Variants in SH3BP2 observed in about 807,000 individuals in gnomAD.
The protein encoded by SH3BP2 is SH3 domain binding protein 2.
Under a neutral mutation model 56.2 loss-of-function variants are expected in SH3BP2, and 38 were observed. That is an observed-to-expected ratio of 0.68 (90% CI 0.52 to 0.89). The LOEUF (loss-of-function observed/expected upper bound fraction) is 0.89. SH3BP2 is among the 40% of genes least tolerant of loss of function. The pLI is 0.00. For synonymous variants in SH3BP2, 346 were observed against 316.7 expected (o/e 1.09, Z -0.98); for missense variants, 748 against 762.6 (o/e 0.98, Z 0.23).
At chr4:2,826,052 G>T (rs1433207791) in intron 5 of SH3BP2, among the ~76,000 whole-genome samples, 2 of 152,246 alleles carry the variant, frequency 1.3e-5, no homozygotes, top group African/African-American at 4.8e-5. Context: ...CCCGTCCCCT[G>T]GTCCAAGCTG....
At position 2,829,391 on chromosome 4, in the gene SH3BP2, C is replaced by A. The variant is rs1577366918; in HGVS notation, c.587-102C>A. On this transcript the variant is annotated intron_variant, in intron 7 of 12. Coordinates refer to ENST00000503393, the MANE Select transcript of SH3BP2 (RefSeq NM_001122681.2). This position sits in a 1 kb window ranked among gnomAD's most constrained non-coding sequence, Gnocchi z 4.9. Reference sequence around the variant, plus strand: ...GTGGGCAGGCTGTGGGGTGGGCCTACCATGGGTTGCACTCCTGGTTGGCCT... The same window carrying A: ...GTGGGCAGGCTGTGGGGTGGGCCTAACATGGGTTGCACTCCTGGTTGGCCT... 2.3e-6 allele frequency: 3 copies of A among 1,276,608 alleles called. No individual in the cohort carries two copies. The highest frequency in any genetic ancestry group is 3.4e-6 in the Non-Finnish European group (3 of 876,394). The allele number at this position is 1,276,608 out of a possible 1,614,324, so 79.1% of individuals were successfully genotyped here.
intron 1 of SH3BP2, chr4:2,799,196 T>A (rs1252260551): frequency 1.0e-6 from 1 of 985,414 alleles, no homozygotes; most frequent in Non-Finnish European, 1.2e-6. Context: ...GAGGAGCTGC[T>A]CCCAGGCGGG....
intron 1 of SH3BP2, among the ~76,000 whole-genome samples, chr4:2,815,255 G>C (rs1041772732): frequency 6.6e-6 from 1 of 152,224 alleles, no homozygotes; most frequent in African/African-American, 2.4e-5. Flanking sequence ...AGGTGGGGCA[G>C]AGGATAGTAA....
chr4:2,834,454 G>GT lies in SH3BP2; in HGVS notation c.*621dup, dbSNP rs1725163099. ...GTGACTTCCCCAGGGTGCACAGCGAGTAACAGATCAGGACCCAAACTTGGG... is the reference window on the plus strand; with the variant it reads ...GTGACTTCCCCAGGGTGCACAGCGAGTTAACAGATCAGGACCCAAACTTGGG... On this transcript the variant is annotated 3_prime_UTR_variant, in exon 13 of 13. Coordinates refer to ENST00000503393, the MANE Select transcript of SH3BP2 (RefSeq NM_001122681.2). 6.5e-6 allele frequency: 1 copy of GT among 152,940 alleles called. No individual in the cohort carries two copies. The highest frequency in any genetic ancestry group is 1.5e-5 in the Non-Finnish European group (1 of 68,656). The allele number at this position is 152,940 out of a possible 1,614,324, so 9.5% of individuals were successfully genotyped here.
chr4:2,830,132 A>G lies in SH3BP2; in HGVS notation c.1226A>G (p.Gln409Arg). 2.5e-6 allele frequency: 4 copies of G among 1,601,514 alleles called. No individual in the cohort carries two copies. Among genetic ancestry groups the G allele is most frequent in the Non-Finnish European group, 3.4e-6 (4 of 1,179,312 alleles). Residue 409 changes from glutamine to arginine, a missense_variant, in exon 8 of 13, where the codon CAG becomes CGG. Physicochemically the swap from Gln to Arg is conservative, Grantham distance 43. Transcript: ENST00000503393. ...PAVLPRPEKP[Q>R]LPHLQRSPPD... is the part of the protein sequence containing the mutation. ...GTCCTGCCCAGGCCAGAGAAGCCGC[A>G]GCTCCCGCACCTCCAGTGAGTTTGT...
intron 1 of SH3BP2, 54 bp from the exon 2 acceptor site, chr4:2,820,560 A>G: frequency 2.5e-6 from 4 of 1,612,832 alleles, no homozygotes; most frequent in Non-Finnish European, 3.4e-6. Context: ...GCCCTGGCTC[A>G]GCCATCTCCT....
In SH3BP2 at chr4:2,810,537, C is replaced by T. The variant is rs368557752; in HGVS notation, c.-4-10077C>T. 1.3e-5 allele frequency among the ~76,000 whole-genome samples: 2 copies of T among 152,054 alleles called. No homozygotes were observed. Among genetic ancestry groups the T allele is most frequent in the African/African-American group, 4.8e-5 (2 of 41,480 alleles). ...AGGGGTGGCGTGTTCCTGAGAGCGC[C>T]GGCTGCCTCTGGGTTCTTATCTTCA... On this transcript the variant is annotated intron_variant, in intron 1 of 12. Transcript: ENST00000503393. The surrounding 1 kb of genome is among the most constrained non-coding windows in gnomAD (Gnocchi z 4.2).
intron 1 of SH3BP2, chr4:2,799,195 C>T: frequency 1.0e-6 from 1 of 985,638 alleles, no homozygotes; most frequent in Non-Finnish European, 1.2e-6. Flanking sequence ...GGAGGAGCTG[C>T]TCCCAGGCGG....
intron 12 of SH3BP2, 134 bp from the exon 13 acceptor site, chr4:2,833,563 C>A: frequency 1.7e-6 from 2 of 1,186,592 alleles, no homozygotes; most frequent in African/African-American, 1.5e-5. Flanking sequence ...CTTGGGGGCA[C>A]CACCGACAGC....
At chr4:2,798,166 G>C (rs1723121272) in intron 1 of SH3BP2, among the ~76,000 whole-genome samples, 1 of 152,156 alleles carries the variant, frequency 6.6e-6, no homozygotes, top group Non-Finnish European at 1.5e-5. Flanking sequence ...CGGTAGATAG[G>C]GAGGACCAAA....
In SH3BP2 at chr4:2,831,673, TGAG is replaced by T. The variant is rs1724993599; in HGVS notation, c.1345_1347del (p.Glu449del). 1.9e-6 allele frequency: 3 copies of T among 1,588,668 alleles called. No individual in the cohort carries two copies. Among genetic ancestry groups the T allele is most frequent in the Non-Finnish European group, 2.6e-6 (3 of 1,166,776 alleles). On this transcript the variant is annotated inframe_deletion, in exon 9 of 13. Coordinates refer to ENST00000503393, the MANE Select transcript of SH3BP2 (RefSeq NM_001122681.2). The surrounding 1 kb of genome is among the most constrained non-coding windows in gnomAD (Gnocchi z 4.1). ...GCGGGGACGACTCGGACGAGGACTA[TGAG>T]AAGGCAAGGCTGAGCGGCAAGCCTG...
chr4:2,813,732 T>C (rs1723865196), intron 1 of SH3BP2, among the ~76,000 whole-genome samples: 1 of 152,178 alleles, frequency 6.6e-6, no homozygotes, highest in Non-Finnish European at 1.5e-5. Flanking sequence ...TATATCAGTA[T>C]ACATATGGGT....
At chr4:2,804,670 G>C (rs1183485520) in intron 1 of SH3BP2, among the ~76,000 whole-genome samples, 2 of 152,196 alleles carry the variant, frequency 1.3e-5, no homozygotes, top group South Asian at 2.1e-4. Context: ...CACCCCCACT[G>C]TCCTTAAGGT....
Position 2,812,095 on chromosome 4 carries a change from C to T in SH3BP2, c.-4-8519C>T, listed in dbSNP as rs1358595741. ...GAGCCAGAGAGCCCTGGCCTCTGACCACAGGATGGGAGGGCAGGAGCAGTG... is the reference window on the plus strand; with the variant it reads ...GAGCCAGAGAGCCCTGGCCTCTGACTACAGGATGGGAGGGCAGGAGCAGTG... On this transcript the variant is annotated intron_variant, in intron 1 of 12. Transcript: ENST00000503393. 5.1e-6 allele frequency: 6 copies of T among 1,169,990 alleles called. No individual in the cohort carries two copies. The African/African-American group carries it at 9.4e-5, about 18-fold the overall frequency. The allele number at this position is 1,169,990 out of a possible 1,614,324, so 72.5% of individuals were successfully genotyped here. A position where few individuals can be genotyped will look rare whatever the true frequency, so the allele number is the denominator to read the frequency against.
chr4:2,803,354 G>T (rs2108703506), intron 1 of SH3BP2, among the ~76,000 whole-genome samples: 1 of 152,274 alleles, frequency 6.6e-6, no homozygotes, highest in Admixed American at 6.5e-5. Context: ...TTGTTATCTC[G>T]CCCTGGTGCT....
chr4:2,824,871 C>A, intron 4 of SH3BP2, 141 bp downstream of exon 4: 1 of 729,900 alleles, frequency 1.4e-6, no homozygotes, highest in Non-Finnish European at 2.4e-6. Context: ...GGCTGGGACA[C>A]AGGCAGCTGG....
At chr4:2,802,626 ATGTATGTG>A (rs1370393611) in intron 1 of SH3BP2, among the ~76,000 whole-genome samples, 2 of 129,680 alleles carry the variant, frequency 1.5e-5, no homozygotes, top group Admixed American at 7.7e-5. Flanking sequence ...ATATATGTGT[ATGTATGTG>A]GTGTGTGTAT....
intron 5 of SH3BP2, among the ~76,000 whole-genome samples, chr4:2,826,105 G>A (rs1178487277): frequency 6.6e-6 from 1 of 152,276 alleles, no homozygotes; most frequent in East Asian, 1.9e-4. Flanking sequence ...GCCCTCTTGA[G>A]GCAGGAGCAG....
intron 1 of SH3BP2, among the ~76,000 whole-genome samples, chr4:2,815,151 C>T (rs962956046): frequency 6.6e-6 from 1 of 152,154 alleles, no homozygotes; most frequent in African/African-American, 2.4e-5. Flanking sequence ...CCATCATCAC[C>T]CTCAGCCTCA....
Sources: allele counts gnomAD v4.1 joint callset (sites outside exome capture counted in the v4.1 genomes callset), GRCh38; gene constraint gnomAD v4.1.1; non-coding constraint Gnocchi (gnomAD v3.1); transcripts MANE v1.5; gene names NCBI Gene and HGNC (gene_info 2026-07-23, HGNC 2026-07-21).